The following PDE4B variants were observed in gnomAD, a reference collection of about 807,000 sequenced individuals.
The protein encoded by PDE4B is 3',5'-cyclic-AMP phosphodiesterase 4B.
In PDE4B, 20 loss-of-function variants were observed where a neutral mutation model predicts 82.2. That is an observed-to-expected ratio of 0.24 (90% CI 0.17 to 0.35). The LOEUF (loss-of-function observed/expected upper bound fraction) is 0.35, where lower values mean the gene tolerates loss of function less well. PDE4B is among the 10% of genes least tolerant of loss of function. The pLI, the probability that PDE4B is intolerant of heterozygous loss-of-function variation, is 1.00. For synonymous variants in PDE4B, 320 were observed against 318.9 expected (o/e 1.00, Z -0.04); for missense variants, 655 against 907.2 (o/e 0.72, Z 3.57).
At chr1:65,822,761 T>C (rs1403074386) in intron 1 of PDE4B, among the ~76,000 whole-genome samples, 1 of 152,140 alleles carries the variant, frequency 6.6e-6, no homozygotes, top group Non-Finnish European at 1.5e-5. Flanking sequence ...AGGTACTATC[T>C]TGGAAACAGA....
intron 12 of PDE4B, among the ~76,000 whole-genome samples, chr1:66,365,078 T>C (rs929979652): frequency 6.6e-6 from 1 of 152,240 alleles, no homozygotes; most frequent in African/African-American, 2.4e-5. Context: ...AATTCAGCAG[T>C]GGGGCCTCAG....
At chr1:66,129,675 AAAAAAC>A (rs1645898409) in intron 3 of PDE4B, among the ~76,000 whole-genome samples, 1 of 54,378 alleles carries the variant, frequency 1.8e-5, no homozygotes, top group African/African-American at 7.9e-5. Flanking sequence ...AAAAAAAACA[AAAAAAC>A]AAAAAAACAA....
At chr1:66,087,316 C>A (rs1657053378) in intron 3 of PDE4B, among the ~76,000 whole-genome samples, 1 of 152,060 alleles carries the variant, frequency 6.6e-6, no homozygotes, top group Non-Finnish European at 1.5e-5. Flanking sequence ...ACGGCAATAT[C>A]CTTCGCCCAC....
intron 1 of PDE4B, among the ~76,000 whole-genome samples, chr1:65,812,297 C>G (rs1449052303): frequency 1.3e-5 from 2 of 152,092 alleles, no homozygotes; most frequent in African/African-American, 4.8e-5. Context: ...TTTCTGGGTC[C>G]TCTTGTAGGT....
chr1:65,942,792 T>C (rs1200579284), intron 3 of PDE4B, among the ~76,000 whole-genome samples: 3 of 152,102 alleles, frequency 2.0e-5, no homozygotes, highest in African/African-American at 7.2e-5. Flanking sequence ...TTGAACGTTT[T>C]TTCATATACC....
chr1:65,874,213 C>T (rs1173433236), intron 1 of PDE4B, among the ~76,000 whole-genome samples: 5 of 151,510 alleles, frequency 3.3e-5, no homozygotes, highest in African/African-American at 9.7e-5. Context: ...ATTTGGCTCT[C>T]TGTTTGTCTG....
At chr1:66,240,653 AC>A (rs1348318135) in intron 3 of PDE4B, among the ~76,000 whole-genome samples, 1 of 152,176 alleles carries the variant, frequency 6.6e-6, no homozygotes, top group Admixed American at 6.5e-5. Flanking sequence ...TCCCTCAGGG[AC>A]CTTGTTCCAT....
intron 3 of PDE4B, among the ~76,000 whole-genome samples, chr1:66,216,518 T>G (rs952642034): frequency 6.6e-6 from 1 of 152,174 alleles, no homozygotes; most frequent in Non-Finnish European, 1.5e-5. Context: ...ATCACTTTTG[T>G]GGACTCATTT....
intron 3 of PDE4B, among the ~76,000 whole-genome samples, chr1:66,187,765 T>G (rs1647313912): frequency 1.3e-5 from 2 of 152,008 alleles, no homozygotes; most frequent in South Asian, 4.2e-4. Flanking sequence ...TCAATTTTGT[T>G]GATCCTTTCA....
intron 3 of PDE4B, among the ~76,000 whole-genome samples, chr1:66,049,176 A>G (rs1293290043): frequency 2.0e-5 from 3 of 152,054 alleles, no homozygotes; most frequent in Non-Finnish European, 4.4e-5. Context: ...AATCCTAATC[A>G]TGACAAAGTC....
At chr1:66,182,596 AG>A (rs1319916644) in intron 3 of PDE4B, among the ~76,000 whole-genome samples, 1 of 152,174 alleles carries the variant, frequency 6.6e-6, no homozygotes, top group African/African-American at 2.4e-5. Flanking sequence ...CTGAGCCAGG[AG>A]GGCTTGATTG....
intron 1 of PDE4B, among the ~76,000 whole-genome samples, chr1:65,837,182 G>T (rs1362385055): frequency 6.6e-6 from 1 of 151,344 alleles, no homozygotes; most frequent in African/African-American, 2.4e-5. Context: ...TATATATACT[G>T]CCCTAGAGAT....
At chr1:66,063,690 T>G (rs1188176371) in intron 3 of PDE4B, among the ~76,000 whole-genome samples, 2 of 151,956 alleles carry the variant, frequency 1.3e-5, no homozygotes, top group Admixed American at 6.6e-5. Flanking sequence ...TTTTAAAAAC[T>G]TAGGTTATAA....
intron 3 of PDE4B, 121 bp from the exon 4 acceptor site, chr1:66,247,333 CATAGTA>C (rs1653392792): frequency 1.9e-6 from 1 of 526,704 alleles, no homozygotes; most frequent in East Asian, 3.0e-5. Flanking sequence ...GAAAACTTTC[CATAGTA>C]CATACAGTTT....
chr1:65,945,668 T>C (rs1415054949), intron 3 of PDE4B, among the ~76,000 whole-genome samples: 1 of 152,054 alleles, frequency 6.6e-6, no homozygotes, highest in African/African-American at 2.4e-5. Flanking sequence ...TCATAGACTC[T>C]GTCTCTATCA....
rs565065104 is a variant in PDE4B, at chr1:65,884,906, C to T, written c.-70-28339C>T. ...GCTTCTGCACAGCAAAAGAAACTAC[C>T]ATCAGAGTGAACAGGCAACCTACAG... On this transcript the variant is annotated intron_variant, in intron 1 of 16. Transcript: ENST00000341517. Among the ~76,000 whole-genome samples the T allele has an allele frequency of 9.4e-4, 143 of 152,242 alleles. 1 individual carries two copies. The highest frequency in any genetic ancestry group is 3.1e-3 in the African/African-American group (129 of 41,554).
chr1:66,323,739 A>C (rs902152529), intron 7 of PDE4B, among the ~76,000 whole-genome samples: 3 of 152,208 alleles, frequency 2.0e-5, no homozygotes, highest in Non-Finnish European at 4.4e-5. Flanking sequence ...AAACTGGGGC[A>C]CAGAGAAGTA....
chr1:66,335,928 T>C (rs1287283962), intron 8 of PDE4B, among the ~76,000 whole-genome samples: 1 of 152,198 alleles, frequency 6.6e-6, no homozygotes, highest in Non-Finnish European at 1.5e-5. Context: ...TGTCTTACAC[T>C]TCAGCAAAAT....
In PDE4B at chr1:66,256,299, A is replaced by G. The variant is rs140245170; in HGVS notation, c.477-1348A>G. On this transcript the variant is annotated intron_variant, in intron 4 of 16. Coordinates refer to ENST00000341517, the MANE Select transcript of PDE4B (RefSeq NM_002600.4). ...ATCAGTCTCAGTTCTTCTACTTACT[A>G]GGTATGTGCTAGTTAACTGCTCTGT... Among the ~76,000 whole-genome samples the G allele has an allele frequency of 2.0e-4, 31 of 152,362 alleles. No homozygotes were observed. In the East Asian group the frequency reaches 5.8e-3, roughly 28 times the overall value.
Sources: allele counts gnomAD v4.1 joint callset (sites outside exome capture counted in the v4.1 genomes callset), GRCh38; gene constraint gnomAD v4.1.1; transcripts MANE v1.5; gene names NCBI Gene and HGNC (gene_info 2026-07-23, HGNC 2026-07-21).